The following NPAS3 variants were observed in gnomAD, a reference collection of about 807,000 sequenced individuals.
NPAS3 encodes neuronal PAS domain protein 3.
A neutral mutation model predicts 73.1 loss-of-function variants in NPAS3; 14 were observed. That is an observed-to-expected ratio of 0.19 (90% confidence interval 0.13 to 0.30). The LOEUF (loss-of-function observed/expected upper bound fraction) is 0.30. NPAS3 is among the 10% of genes least tolerant of loss of function. NPAS3 has a pLI of 1.00. For synonymous variants in NPAS3, 620 were observed against 541.5 expected, an observed-to-expected ratio of 1.14 and a Z score of -2.01; for missense variants, 1,096 against 1,250.0, an observed-to-expected ratio of 0.88 and a Z score of 1.86.
intron 1 of NPAS3, among the ~76,000 whole-genome samples, chr14:32,966,832 G>A (rs536153184): frequency 3.3e-5 from 5 of 151,614 alleles, no homozygotes; most frequent in Admixed American, 1.3e-4. Context: ...ATGAGAAAGC[G>A]TAGGGGAAAC....
At chr14:33,319,768 A>T (rs2140231662) in intron 3 of NPAS3, among the ~76,000 whole-genome samples, 1 of 152,278 alleles carries the variant, frequency 6.6e-6, no homozygotes, top group Non-Finnish European at 1.5e-5. Flanking sequence ...TCCAAATGCC[A>T]ACAGGGCCAA....
chr14:33,794,365 G>C (rs1037090226), intron 10 of NPAS3, among the ~76,000 whole-genome samples: 1 of 152,292 alleles, frequency 6.6e-6, no homozygotes, highest in African/African-American at 2.4e-5. Flanking sequence ...GCCTACAGCT[G>C]AAGCATTCAA....
At chr14:33,299,534 G>A (rs183504519) in intron 3 of NPAS3, among the ~76,000 whole-genome samples, 5 of 152,234 alleles carry the variant, frequency 3.3e-5, no homozygotes, top group Admixed American at 1.3e-4. Context: ...AGGGAATCCA[G>A]ATCTTGCAGA....
intron 2 of NPAS3, among the ~76,000 whole-genome samples, chr14:33,125,303 G>A (rs2043386684): frequency 6.6e-6 from 1 of 152,120 alleles, no homozygotes; most frequent in South Asian, 2.1e-4. Flanking sequence ...AAGTGTAACG[G>A]AATTTATTTA....
intron 5 of NPAS3, among the ~76,000 whole-genome samples, chr14:33,575,308 T>C (rs907918243): frequency 1.4e-4 from 22 of 152,190 alleles, no homozygotes; most frequent in African/African-American, 5.1e-4. Context: ...TCATTGTTCC[T>C]ATTTTTTAAC....
intron 5 of NPAS3, among the ~76,000 whole-genome samples, chr14:33,661,097 G>GA (rs11297345): frequency 3.5e-4 from 47 of 132,568 alleles, no homozygotes; most frequent in Non-Finnish European, 5.3e-4. Flanking sequence ...TCAGTAAAAG[G>GA]AAAAAAAAAA....
intron 2 of NPAS3, among the ~76,000 whole-genome samples, chr14:33,099,580 C>T (rs760403494): frequency 1.2e-4 from 18 of 151,968 alleles, no homozygotes; most frequent in African/African-American, 1.7e-4. Context: ...GGGAATTACT[C>T]GATATTAAAT....
intron 2 of NPAS3, among the ~76,000 whole-genome samples, chr14:33,111,183 G>T (rs1440617091): frequency 6.6e-6 from 1 of 152,202 alleles, no homozygotes; most frequent in Non-Finnish European, 1.5e-5. Flanking sequence ...GAGCCAGGCA[G>T]AAAGCCTGAA....
chr14:33,309,439 A>G (rs920768003), intron 3 of NPAS3, among the ~76,000 whole-genome samples: 1 of 152,202 alleles, frequency 6.6e-6, no homozygotes, highest in Non-Finnish European at 1.5e-5. Flanking sequence ...AGCTTCAAGC[A>G]TGTTGATGTC....
intron 2 of NPAS3, among the ~76,000 whole-genome samples, chr14:33,184,967 C>T (rs193070358): frequency 2.0e-5 from 3 of 152,176 alleles, no homozygotes; most frequent in East Asian, 3.9e-4. Context: ...CTTATTCATC[C>T]TCAAATGTCT....
At chr14:32,982,458 C>A (rs954805939) in intron 1 of NPAS3, among the ~76,000 whole-genome samples, 1 of 152,016 alleles carries the variant, frequency 6.6e-6, no homozygotes, top group Non-Finnish European at 1.5e-5. Flanking sequence ...GCCTGTAATC[C>A]CAGCACTTAG....
chr14:33,747,310 T>C (rs1354877565), intron 7 of NPAS3, among the ~76,000 whole-genome samples: 2 of 152,066 alleles, frequency 1.3e-5, no homozygotes, highest in African/African-American at 2.4e-5. Flanking sequence ...AAATTGGAAA[T>C]CATCATTCTC....
At chr14:33,328,889 CAT>C (rs1264623564) in intron 3 of NPAS3, among the ~76,000 whole-genome samples, 10 of 152,146 alleles carry the variant, frequency 6.6e-5, no homozygotes, top group Admixed American at 2.6e-4. Context: ...CAAATTTTAA[CAT>C]AGAGTTTTTC....
chr14:33,236,409 G>A (rs981433975), intron 3 of NPAS3, among the ~76,000 whole-genome samples: 1 of 151,906 alleles, frequency 6.6e-6, no homozygotes, highest in East Asian at 2.0e-4. Flanking sequence ...AGAATTGAAA[G>A]TATATATTAT....
intron 3 of NPAS3, among the ~76,000 whole-genome samples, chr14:33,227,082 T>C (rs2047663614): frequency 6.6e-6 from 1 of 152,284 alleles, no homozygotes; most frequent in Non-Finnish European, 1.5e-5. Context: ...TAGAGACATA[T>C]GAAAGGAAGC....
At chr14:33,669,330 T>C (rs1166742873) in intron 5 of NPAS3, among the ~76,000 whole-genome samples, 1 of 152,208 alleles carries the variant, frequency 6.6e-6, no homozygotes, top group Admixed American at 6.5e-5. Flanking sequence ...CTTGAAAAAT[T>C]CAAAACTATG....
chr14:33,713,353 C>A (rs2060874966), intron 6 of NPAS3, among the ~76,000 whole-genome samples: 1 of 152,224 alleles, frequency 6.6e-6, no homozygotes, highest in Non-Finnish European at 1.5e-5. Flanking sequence ...AAGTTGGTAG[C>A]AATAACCATA....
chr14:33,180,922 A>T (rs1595623939), intron 2 of NPAS3, among the ~76,000 whole-genome samples: 1 of 151,964 alleles, frequency 6.6e-6, no homozygotes, highest in Non-Finnish European at 1.5e-5. Flanking sequence ...TAAGGCTGGG[A>T]AGTTTCATGT....
intron 3 of NPAS3, among the ~76,000 whole-genome samples, chr14:33,225,949 T>A (rs959412324): frequency 6.6e-6 from 1 of 152,172 alleles, no homozygotes; most frequent in Non-Finnish European, 1.5e-5. Context: ...TTTAAAAAAA[T>A]TATCTTCAGT....
Sources: allele counts gnomAD v4.1 joint callset (sites outside exome capture counted in the v4.1 genomes callset), GRCh38; gene constraint gnomAD v4.1.1; transcripts MANE v1.5; gene names NCBI Gene and HGNC (gene_info 2026-07-23, HGNC 2026-07-21).